Variants in CDH13 observed in about 807,000 individuals in gnomAD.
CDH13 encodes the protein cadherin 13, also known as cadherin-13.
A neutral mutation model predicts 63.8 loss-of-function variants in CDH13; 24 were observed. The ratio of observed to expected loss-of-function variants is 0.38; its 90% CI spans 0.27 to 0.53. The LOEUF (loss-of-function observed/expected upper bound fraction) is 0.53. Among genes scored for constraint, CDH13 ranks in the 20% least tolerant of loss-of-function variants. CDH13 has a pLI of 0.85. For missense variants in CDH13, 1,049 were observed against 903.1 expected (o/e 1.16, Z -2.07); for synonymous variants, 503 against 355.3 (o/e 1.42, Z -4.67).
chr16:83,766,040 T>C, intron 11 of CDH13, among the ~76,000 whole-genome samples: 1 of 152,186 alleles, frequency 6.6e-6, no homozygotes, highest in East Asian at 1.9e-4. Flanking sequence ...ATCTAAATTG[T>C]GGCTCCTCTC....
chr16:83,299,954 C>T (rs2089693246), intron 5 of CDH13, among the ~76,000 whole-genome samples: 1 of 152,210 alleles, frequency 6.6e-6, no homozygotes, highest in Non-Finnish European at 1.5e-5. Context: ...CAAGGTCTAC[C>T]TGCAAGCTCA....
chr16:82,646,846 G>A (rs1352738841), intron 1 of CDH13, among the ~76,000 whole-genome samples: 1 of 152,176 alleles, frequency 6.6e-6, no homozygotes, highest in East Asian at 1.9e-4. Context: ...CTCGAGGGAA[G>A]CCTGAGTCCA....
At chr16:83,634,331 C>T (rs1166789554) in intron 8 of CDH13, among the ~76,000 whole-genome samples, 6 of 152,090 alleles carry the variant, frequency 3.9e-5, no homozygotes, top group Non-Finnish European at 7.4e-5. Context: ...ACCTGTTCTC[C>T]ACCTGTAGTT....
At chr16:83,506,186 TC>T (rs2074390143) in intron 7 of CDH13, among the ~76,000 whole-genome samples, 1 of 152,182 alleles carries the variant, frequency 6.6e-6, no homozygotes, top group Non-Finnish European at 1.5e-5. Flanking sequence ...GAAGATGCTG[TC>T]TTCATTAAGG....
intron 2 of CDH13, among the ~76,000 whole-genome samples, chr16:82,867,304 A>G (rs2040183629): frequency 6.6e-6 from 1 of 152,194 alleles, no homozygotes; most frequent in Non-Finnish European, 1.5e-5. Context: ...TGGTGGTGAT[A>G]CATCAAGGAA....
intron 1 of CDH13, among the ~76,000 whole-genome samples, chr16:82,710,576 T>A (rs12935427): frequency 0.043 from 5,008 of 117,136 alleles, 128 homozygotes; most frequent in Non-Finnish European, 0.056. Flanking sequence ...TATATATATA[T>A]AAATATATTT....
intron 8 of CDH13, among the ~76,000 whole-genome samples, chr16:83,668,659 T>A (rs1026425389): frequency 6.6e-6 from 1 of 152,148 alleles, no homozygotes; most frequent in Non-Finnish European, 1.5e-5. Context: ...GCCATGGGGA[T>A]CTAAGGTGGG....
intron 13 of CDH13, among the ~76,000 whole-genome samples, chr16:83,787,518 G>T (rs190584803): frequency 1.3e-5 from 2 of 152,086 alleles, no homozygotes; most frequent in East Asian, 3.9e-4. Context: ...AGACACATTC[G>T]AATCATTTAC....
intron 1 of CDH13, among the ~76,000 whole-genome samples, chr16:82,692,775 A>G (rs866681993): frequency 3.5e-4 from 52 of 149,860 alleles, no homozygotes; most frequent in African/African-American, 1.2e-3. Flanking sequence ...TGCATGAAAA[A>G]CCTAGGTTCT....
chr16:83,234,022 A>G (rs16959841), intron 5 of CDH13, among the ~76,000 whole-genome samples: 5 of 152,190 alleles, frequency 3.3e-5, no homozygotes, highest in Admixed American at 6.5e-5. Context: ...GGGATGGATA[A>G]TGTGGCCAGC....
chr16:82,895,547 T>C (rs947068620), intron 2 of CDH13, among the ~76,000 whole-genome samples: 2 of 152,214 alleles, frequency 1.3e-5, no homozygotes, highest in Non-Finnish European at 2.9e-5. Context: ...GATGCCATGC[T>C]TTATATCAGG....
In CDH13 at chr16:83,799,267, A is replaced by C. The variant is rs1395945075; in HGVS notation, c.*4237A>C. ...GGCAGAGTTTGCAGTGAGCCATTGC[A>C]CTCCAGCCTGGGCAACAGAGCAAGA... On this transcript the variant is annotated 3_prime_UTR_variant, in exon 14 of 14. Transcript: ENST00000567109. 1 of 146,942 alleles carries C rather than the reference A, an allele frequency of 6.8e-6. No individual in the cohort carries two copies. Among genetic ancestry groups the C allele is most frequent in the African/African-American group, 2.5e-5 (1 of 39,580 alleles). The allele number at this position is 146,942 out of a possible 1,614,324, so 9.1% of individuals were successfully genotyped here.
intron 3 of CDH13, among the ~76,000 whole-genome samples, chr16:83,093,692 C>T (rs1263615455): frequency 6.6e-6 from 1 of 152,156 alleles, no homozygotes; most frequent in Non-Finnish European, 1.5e-5. Flanking sequence ...TAGTCTCTTC[C>T]ATGCACATCT....
chr16:83,517,540 A>G (rs927240224), intron 7 of CDH13, among the ~76,000 whole-genome samples: 3 of 140,968 alleles, frequency 2.1e-5, no homozygotes, highest in African/African-American at 7.6e-5. Flanking sequence ...GCAGCCCTTA[A>G]ATGCTTCAAC....
chr16:83,103,194 C>A (rs1009579016), intron 3 of CDH13, among the ~76,000 whole-genome samples: 1 of 149,494 alleles, frequency 6.7e-6, no homozygotes, highest in Admixed American at 6.7e-5. Context: ...CTCAAGTGAT[C>A]CACCCACCTC....
intron 6 of CDH13, among the ~76,000 whole-genome samples, chr16:83,367,721 C>T (rs9931361): frequency 1 from 151,708 of 152,354 alleles, 75,536 homozygotes; most frequent in Non-Finnish European, 1. Context: ...TGGTTTTGAT[C>T]TGATTTCCTT....
chr16:83,750,362 T>C (rs1427256372), intron 11 of CDH13, among the ~76,000 whole-genome samples: 2 of 152,210 alleles, frequency 1.3e-5, no homozygotes, highest in Non-Finnish European at 2.9e-5. Context: ...AAGGTTAAGG[T>C]GACTTATGAC....
intron 2 of CDH13, among the ~76,000 whole-genome samples, chr16:83,022,836 T>G (rs1166570548): frequency 6.6e-6 from 1 of 152,204 alleles, no homozygotes; most frequent in Non-Finnish European, 1.5e-5. Context: ...TGTGAGTGTA[T>G]AAATCACAGA....
At chr16:83,634,877 G>T (rs1193319620) in intron 8 of CDH13, among the ~76,000 whole-genome samples, 1 of 152,210 alleles carries the variant, frequency 6.6e-6, no homozygotes, top group Non-Finnish European at 1.5e-5. Context: ...TGAAGCTACT[G>T]CAGTTAGAGC....
Sources: gnomAD v4.1 joint callset for allele counts (sites outside exome capture counted in the v4.1 genomes callset) on GRCh38, gnomAD v4.1.1 for gene constraint, MANE v1.5 for transcripts, NCBI Gene and HGNC (gene_info 2026-07-23, HGNC 2026-07-21) for gene names.